Variants in SLC39A12 observed in about 807,000 individuals in gnomAD.
SLC39A12 encodes zinc transporter ZIP12.
A neutral mutation model predicts 71.1 loss-of-function variants in SLC39A12; 63 were observed. That is an observed-to-expected ratio of 0.89 (90% CI 0.72 to 1.09). SLC39A12 has a LOEUF of 1.09. SLC39A12 is among the 50% of genes least tolerant of loss of function. The probability of loss-of-function intolerance (pLI) is 0.00; values close to 1 mark genes in which losing one functional copy is unlikely to be tolerated. For synonymous variants in SLC39A12, 351 were observed against 301.3 expected, an observed-to-expected ratio of 1.16 and a Z score of -1.71; for missense variants, 892 against 812.6, an observed-to-expected ratio of 1.10 and a Z score of -1.19.
At chr10:17,987,748 A>C (rs1241743682) in intron 7 of SLC39A12, 97 bp downstream of exon 7, 6 of 1,304,564 alleles carry the variant, frequency 4.6e-6, no homozygotes, top group Non-Finnish European at 4.3e-6. Context: ...GAGACTTCAA[A>C]GAGAGAGTAT....
chr10:18,039,518 C>T (rs1048708724), intron 12 of SLC39A12, among the ~76,000 whole-genome samples: 4 of 152,146 alleles, frequency 2.6e-5, no homozygotes, highest in East Asian at 1.9e-4. Flanking sequence ...AGTTGAGCCC[C>T]GGCATTTGTG....
At chr10:17,980,626 T>C (rs1484228462) in intron 5 of SLC39A12, among the ~76,000 whole-genome samples, 1 of 152,136 alleles carries the variant, frequency 6.6e-6, no homozygotes. Context: ...TCCTTATTCT[T>C]CTCTCTCATA....
intron 12 of SLC39A12, among the ~76,000 whole-genome samples, chr10:18,014,232 G>T (rs61603426): frequency 0.099 from 14,955 of 151,782 alleles, 1,127 homozygotes; most frequent in East Asian, 0.21. Context: ...AAATACATTT[G>T]TTTTCGTTTC....
intron 12 of SLC39A12, among the ~76,000 whole-genome samples, chr10:18,036,794 A>ATATATTT (rs1554855475): frequency 1.9e-4 from 18 of 92,842 alleles, no homozygotes; most frequent in East Asian, 4.4e-4. Flanking sequence ...ATATATATAT[A>ATATATTT]TTTTTTTTTT....
intron 12 of SLC39A12, among the ~76,000 whole-genome samples, chr10:18,041,784 CAT>C (rs1330767033): frequency 7.0e-6 from 1 of 142,100 alleles, no homozygotes; most frequent in East Asian, 2.0e-4. Context: ...TATGTATATA[CAT>C]ATGTGTCTAT....
intron 5 of SLC39A12, among the ~76,000 whole-genome samples, chr10:17,978,931 C>A (rs947771748): frequency 6.6e-6 from 1 of 152,162 alleles, no homozygotes; most frequent in African/African-American, 2.4e-5. Flanking sequence ...TGGAAATGTA[C>A]ATCCTCAGAC....
At chr10:17,959,902 G>T (rs1348567330) in intron 2 of SLC39A12, among the ~76,000 whole-genome samples, 9 of 152,182 alleles carry the variant, frequency 5.9e-5, no homozygotes, top group Non-Finnish European at 1.0e-4. Flanking sequence ...AAATTCTGTA[G>T]CTGGGGCTTG....
chr10:18,036,673 C>T (rs1301752804), intron 12 of SLC39A12, among the ~76,000 whole-genome samples: 1 of 150,128 alleles, frequency 6.7e-6, no homozygotes, highest in African/African-American at 2.5e-5. Flanking sequence ...TGGCTCCTCC[C>T]CCGTGATATC....
chr10:18,039,582 G>C (rs894879446), intron 12 of SLC39A12, among the ~76,000 whole-genome samples: 1 of 145,672 alleles, frequency 6.9e-6, no homozygotes, highest in African/African-American at 2.5e-5. Flanking sequence ...TTTAAAATTA[G>C]CTGGGTAGGG....
At chr10:18,014,398 C>T (rs1400163257) in intron 12 of SLC39A12, among the ~76,000 whole-genome samples, 3 of 152,076 alleles carry the variant, frequency 2.0e-5, no homozygotes, top group African/African-American at 7.2e-5. Context: ...TATTATTTAA[C>T]AGAAAGGTGT....
intron 12 of SLC39A12, among the ~76,000 whole-genome samples, chr10:18,003,645 G>T (rs1046099343): frequency 1.3e-5 from 2 of 152,184 alleles, no homozygotes; most frequent in Non-Finnish European, 2.9e-5. Context: ...TGGAAAGAAT[G>T]AAATGTTCAT....
In SLC39A12 at chr10:17,995,987, T is replaced by G. The variant is rs541863594; in HGVS notation, c.1600+265T>G. Among the ~76,000 whole-genome samples, 11 of 152,358 alleles carry G rather than the reference T, an allele frequency of 7.2e-5. No individual in the cohort carries two copies. The South Asian group carries it at 2.3e-3, about 32-fold the overall frequency. Reference sequence around the variant, plus strand: ...AATTCCCTTCAGGGGAAACTTCAATTAATGTAAACACATGTGTGTTTATCA... The same window carrying G: ...AATTCCCTTCAGGGGAAACTTCAATGAATGTAAACACATGTGTGTTTATCA... On this transcript the variant is annotated intron_variant, in intron 10 of 12. Transcript: ENST00000377369.
Position 17,999,125 on chromosome 10 carries a change from G to A in SLC39A12, c.1601-1542G>A, listed in dbSNP as rs1277943881. Among the ~76,000 whole-genome samples the A allele has an allele frequency of 3.3e-5, 5 of 151,798 alleles. No homozygotes were observed. The South Asian group carries it at 6.2e-4, about 19-fold the overall frequency. On this transcript the variant is annotated intron_variant, in intron 10 of 12. Transcript: ENST00000377369. ...CAGCCTGACCATGTGGTGAAACCCC[G>A]TCTCTACTAAAAATACAAAAAAACT... is the stretch of plus-strand genomic sequence containing the variant.
chr10:18,034,421 T>G (rs1238107421), intron 12 of SLC39A12, among the ~76,000 whole-genome samples: 1 of 152,210 alleles, frequency 6.6e-6, no homozygotes, highest in Non-Finnish European at 1.5e-5. Flanking sequence ...TTGTCTCTTT[T>G]GATCTTTGCT....
At chr10:18,005,547 C>G (rs1835989126) in intron 12 of SLC39A12, 1 of 152,204 alleles carries the variant, frequency 6.6e-6, no homozygotes, top group African/African-American at 2.4e-5. Flanking sequence ...GTTTTTCACA[C>G]AGACTGGTTC....
At chr10:18,015,184 CTG>C in intron 12 of SLC39A12, among the ~76,000 whole-genome samples, 1 of 151,868 alleles carries the variant, frequency 6.6e-6, no homozygotes, top group Middle Eastern at 3.2e-3. Flanking sequence ...TGGGCAAAAA[CTG>C]TATAAACTTT....
intron 12 of SLC39A12, among the ~76,000 whole-genome samples, chr10:18,035,933 G>C (rs562634635): frequency 2.0e-5 from 3 of 152,184 alleles, no homozygotes; most frequent in South Asian, 4.2e-4. Flanking sequence ...TGCCCCTGCT[G>C]GGGGGTGCCT....
intron 5 of SLC39A12, among the ~76,000 whole-genome samples, chr10:17,980,536 T>G (rs1388071707): frequency 3.3e-5 from 5 of 152,066 alleles, no homozygotes; most frequent in Non-Finnish European, 5.9e-5. Flanking sequence ...TTGTAATTTT[T>G]GAAGTACACA....
At position 17,967,898 on chromosome 10, in the gene SLC39A12, A is replaced by AATAT. The variant is rs565522405; in HGVS notation, c.751+2225_751+2228dup. Among the ~76,000 whole-genome samples, 670 of 119,712 alleles carry AATAT rather than the reference A, an allele frequency of 5.6e-3. 3 individuals are homozygous for AATAT. The highest frequency in any genetic ancestry group is 8.9e-3 in the Middle Eastern group (2 of 224). 78.5% of individuals were successfully genotyped at this position (119,712 alleles called of 152,430 possible). On this transcript the variant is annotated intron_variant, in intron 4 of 12. Coordinates refer to ENST00000377369, the MANE Select transcript of SLC39A12 (RefSeq NM_001145195.2). ...CGAGACTCCGCCTCAAAAAAAAAAA[A>AATAT]ATATATATATATATATATATTTATT... is the stretch of plus-strand genomic sequence containing the variant.
Sources: gnomAD v4.1 joint callset for allele counts (sites outside exome capture counted in the v4.1 genomes callset) on GRCh38, gnomAD v4.1.1 for gene constraint, MANE v1.5 for transcripts, NCBI Gene and HGNC (gene_info 2026-07-23, HGNC 2026-07-21) for gene names.